Variants in PODXL2 observed in about 807,000 individuals in gnomAD.
The protein encoded by PODXL2 is podocalyxin-like protein 2.
In PODXL2, 17 loss-of-function variants were observed where a neutral mutation model predicts 53.4. The observed-to-expected ratio is 0.32, with a 90% CI of 0.22 to 0.48. PODXL2 has a LOEUF of 0.48. Ranked by LOEUF, PODXL2 falls within the 20% of genes least tolerant of loss-of-function variation. The pLI, the probability that PODXL2 is intolerant of heterozygous loss-of-function variation, is 0.99. For missense variants in PODXL2, 673 were observed against 760.0 expected, an observed-to-expected ratio of 0.89 and a Z score of 1.35; for synonymous variants, 311 against 306.7, an observed-to-expected ratio of 1.01 and a Z score of -0.15.
intron 2 of PODXL2, among the ~76,000 whole-genome samples, chr3:127,653,267 C>G (rs1224020911): frequency 6.6e-6 from 1 of 152,224 alleles, no homozygotes; most frequent in East Asian, 1.9e-4. Context: ...GCTCTGCGCT[C>G]TCAGCCAGGA....
chr3:127,669,262 C>T, intron 6 of PODXL2, 60 bp downstream of exon 6: 1 of 1,187,598 alleles, frequency 8.4e-7, no homozygotes, highest in Non-Finnish European at 1.2e-6. Context: ...GTCTCTGTTC[C>T]TCAAAGTCCC....
At position 127,672,597 on chromosome 3, in the gene PODXL2, C is replaced by A. The variant is rs2074860148; in HGVS notation, c.*117C>A. 1.6e-6 allele frequency: 1 copy of A among 628,456 alleles called. No individual in the cohort carries two copies. The highest frequency in any genetic ancestry group is 2.5e-6 in the Non-Finnish European group (1 of 401,682). 38.9% of individuals were successfully genotyped at this position (628,456 alleles called of 1,614,324 possible). A position where few individuals can be genotyped will look rare whatever the true frequency, so the allele number is the denominator to read the frequency against. ...TACCCGGGCCGCCCCCGCGGCCTGG[C>A]CCTCGGCGCGGGCTCCTTCCCGCTT... On this transcript the variant is annotated 3_prime_UTR_variant, in exon 8 of 8. Coordinates refer to ENST00000342480, the MANE Select transcript of PODXL2 (RefSeq NM_015720.4).
Position 127,639,340 on chromosome 3 carries a change from T to C in PODXL2, c.166T>C (p.Leu56=). The part of the protein sequence containing the change: ...SLLDLLLPTG[L]EPLDSEEPSE... ...GCTAGACCTCCTGCTGCCCACTGGC[T>C]TGGAGCCACTGGACTCAGAGGAGCC... Residue 56 remains leucine (L), a synonymous_variant, in exon 2 of 8, where the codon TTG becomes CTG. Transcript: ENST00000342480. 1 of 1,614,190 alleles carries C rather than the reference T, an allele frequency of 6.2e-7. No individual in the cohort carries two copies. Among genetic ancestry groups the C allele is most frequent in the South Asian group, 1.1e-5 (1 of 91,084 alleles).
At chr3:127,657,019 T>G (rs1312228529) in intron 2 of PODXL2, among the ~76,000 whole-genome samples, 1 of 152,066 alleles carries the variant, frequency 6.6e-6, no homozygotes, top group Non-Finnish European at 1.5e-5. Context: ...CCAGCCTGGG[T>G]GACAGAGTGA....
Position 127,639,391 on chromosome 3 carries a change from G to A in PODXL2, c.217G>A (p.Gly73Arg). Residue 73 changes from glycine (G) to arginine (R), a missense_variant, in exon 2 of 8, where the codon GGG becomes AGG. Physicochemically the swap from Gly to Arg is moderately radical, Grantham distance 125. Transcript: ENST00000342480. ...EPSETMGLGA[G>R]LGAPGSGFPS... The stretch of plus-strand genomic sequence containing the variant: ...TAGTGAGACCATGGGCCTGGGAGCT[G>A]GGCTGGGAGCCCCTGGCTCAGGCTT... 1 of 1,614,218 alleles carries A rather than the reference G, an allele frequency of 6.2e-7. No individual in the cohort carries two copies. Among genetic ancestry groups the A allele is most frequent in the Non-Finnish European group, 8.5e-7 (1 of 1,180,022 alleles).
chr3:127,663,042 C>A (rs945593271), intron 4 of PODXL2, among the ~76,000 whole-genome samples: 2 of 152,176 alleles, frequency 1.3e-5, no homozygotes, highest in Non-Finnish European at 2.9e-5. Context: ...CCAAAACACA[C>A]ACTTGTGTCT....
At chr3:127,647,519 A>G (rs904951919) in intron 2 of PODXL2, among the ~76,000 whole-genome samples, 10 of 152,162 alleles carry the variant, frequency 6.6e-5, no homozygotes, top group Admixed American at 1.3e-4. Context: ...TAGATACCCA[A>G]CTCAGACAGG....
chr3:127,669,211 G>A lies in PODXL2; in HGVS notation c.1425+9G>A, dbSNP rs1472677531. On this transcript the variant is annotated intron_variant, in intron 6 of 7. Transcript: ENST00000342480. ...GCAGGAGCCTGGAGGAGGTAAGAGT[G>A]CAGGGACCTGGACCTGTTAGCTTCT... 2 of 1,594,302 alleles carry A rather than the reference G, an allele frequency of 1.3e-6. No individual in the cohort carries two copies. The highest frequency in any genetic ancestry group is 2.2e-5 in the East Asian group (1 of 44,594).
intron 2 of PODXL2, among the ~76,000 whole-genome samples, chr3:127,659,059 C>T (rs1388260396): frequency 1.3e-5 from 2 of 151,904 alleles, no homozygotes; most frequent in Admixed American, 1.3e-4. Flanking sequence ...TATTGACTTT[C>T]AATATCCAAG....
At chr3:127,648,619 G>C (rs1266848518) in intron 2 of PODXL2, among the ~76,000 whole-genome samples, 1 of 151,204 alleles carries the variant, frequency 6.6e-6, no homozygotes, top group Non-Finnish European at 1.5e-5. Context: ...ATCTCTTTCT[G>C]GACTTTTTTT....
chr3:127,660,541 G>A lies in PODXL2; in HGVS notation c.513G>A (p.Glu171=). ...REEEEEEEEE[E]EREKEEVEKQ... ...AGGAAGAAGAGGAAGAGGAAGAGGA[G>A]GAGAGGGAGAAGGAAGAGGTAGAGA... Residue 171 remains glutamate (E), a synonymous_variant, in exon 3 of 8, where the codon GAG becomes GAA. Transcript: ENST00000342480. 1.2e-6 allele frequency: 2 copies of A among 1,613,674 alleles called. No individual in the cohort carries two copies. Among genetic ancestry groups the A allele is most frequent in the East Asian group, 2.2e-5 (1 of 44,874 alleles).
chr3:127,662,360 G>A (rs763534983), intron 4 of PODXL2, 49 bp downstream of exon 4: 11 of 1,488,186 alleles, frequency 7.4e-6, no homozygotes, highest in Admixed American at 1.8e-5. Flanking sequence ...TGCAGGCAGT[G>A]GACAGGGTGG....
At position 127,668,464 on chromosome 3, in the gene PODXL2, G is replaced by A; in HGVS notation, c.1230G>A (p.Gly410=). 1 of 1,535,458 alleles carries A rather than the reference G, an allele frequency of 6.5e-7. No homozygotes were observed. The highest frequency in any genetic ancestry group is 1.3e-5 in the South Asian group (1 of 79,290). Residue 410 remains glycine, a synonymous_variant, in exon 5 of 8, where the codon GGG becomes GGA. Transcript: ENST00000342480. ...IDCEVFRQHR[G]PQLLALVEEV... The stretch of plus-strand genomic sequence containing the variant: ...AGGAGGTGTTCCGGCAGCACCGGGG[G>A]CCACAGCTCCTGGCCCTGGTGGAAG...
At chr3:127,670,113 T>G (rs2074822964) in intron 6 of PODXL2, among the ~76,000 whole-genome samples, 1 of 152,168 alleles carries the variant, frequency 6.6e-6, no homozygotes, top group Admixed American at 6.5e-5. Flanking sequence ...GAATGCCCAC[T>G]GAGCACCACA....
chr3:127,646,953 T>G lies in PODXL2; in HGVS notation c.349+7430T>G, dbSNP rs527797903. 5.9e-5 allele frequency among the ~76,000 whole-genome samples: 9 copies of G among 152,324 alleles called. No homozygotes were observed. The East Asian group carries it at 1.7e-3, about 29-fold the overall frequency. On this transcript the variant is annotated intron_variant, in intron 2 of 7. Transcript: ENST00000342480. ...CCAGTCCATTCTGTCACTAGGACTTTGTCATACATCCCATTTCTAGTGTGT... is the reference window on the plus strand; with the variant it reads ...CCAGTCCATTCTGTCACTAGGACTTGGTCATACATCCCATTTCTAGTGTGT...
chr3:127,672,274 G>A lies in PODXL2; in HGVS notation c.1612G>A (p.Gly538Ser), dbSNP rs752815181. Reference sequence around the variant, plus strand: ...TCTCCCCACCCCGCCTCAGTCGCACGGCGAGGAGCTGCGCTTCGTGGAGAA... The same window carrying A: ...TCTCCCCACCCCGCCTCAGTCGCACAGCGAGGAGCTGCGCTTCGTGGAGAA... ...RLPKLKHVSHGEELRFVENGC... is the reference protein window; with the variant it reads ...RLPKLKHVSHSEELRFVENGC... The change falls in exon 8 of 8, where the codon GGC (glycine) becomes AGC (serine). Residue 538 changes from glycine (G) to serine (S), a missense_variant. Transcript: ENST00000342480. The A allele has an allele frequency of 7.3e-5, 112 of 1,543,968 alleles. No homozygotes were observed. The highest frequency in any genetic ancestry group is 9.0e-5 in the Non-Finnish European group (103 of 1,146,866).
chr3:127,629,265 C>A lies in PODXL2; in HGVS notation c.46C>A (p.Pro16Thr). The A allele has an allele frequency of 9.8e-7, 1 of 1,015,256 alleles. No homozygotes were observed. The allele number at this position is 1,015,256 out of a possible 1,614,324, so 62.9% of individuals were successfully genotyped here. ...CGCCCGGCTGCCGCCGCTGCTTTCG[C>A]CGCTGCTGCTTCTGCTGGTTGGGGG... is the stretch of plus-strand genomic sequence containing the variant. ...RAARLPPLLS[P>T]LLLLLVGGAF... Residue 16 changes from proline (P) to threonine (T), a missense_variant, in exon 1 of 8, where the codon CCG (proline) becomes ACG (threonine). By Grantham distance (38) the Pro-to-Thr change is conservative. Coordinates refer to ENST00000342480, the MANE Select transcript of PODXL2 (RefSeq NM_015720.4). This position sits in a 1 kb window ranked among gnomAD's most constrained non-coding sequence, Gnocchi z 6.4.
In PODXL2 at chr3:127,671,692, A is replaced by G. The variant is rs563536941; in HGVS notation, c.1605+79A>G. 2.7e-4 allele frequency: 371 copies of G among 1,370,796 alleles called. No individual in the cohort carries two copies. In the African/African-American group the frequency reaches 3.8e-3, roughly 14 times the overall value. The allele number at this position is 1,370,796 out of a possible 1,614,324, so 84.9% of individuals were successfully genotyped here. A position where few individuals can be genotyped will look rare whatever the true frequency, so the allele number is the denominator to read the frequency against. ...GATAGGTGTCCTCATCTGCAAGGGG[A>G]GGCAGTGACTCTCCTGGGCGCACAG... On this transcript the variant is annotated intron_variant, in intron 7 of 7. Transcript: ENST00000342480.
At chr3:127,645,592 G>A (rs2074647419) in intron 2 of PODXL2, among the ~76,000 whole-genome samples, 1 of 152,326 alleles carries the variant, frequency 6.6e-6, no homozygotes, top group South Asian at 2.1e-4. Context: ...TGGGTGGGAG[G>A]AGCACCTTTT....
Sources: allele counts gnomAD v4.1 joint callset (sites outside exome capture counted in the v4.1 genomes callset), GRCh38; gene constraint gnomAD v4.1.1; non-coding constraint Gnocchi (gnomAD v3.1); transcripts MANE v1.5; gene names NCBI Gene and HGNC (gene_info 2026-07-23, HGNC 2026-07-21).